The following WWOX variants were observed in gnomAD, a reference collection of about 807,000 sequenced individuals.
The protein encoded by WWOX is WW domain containing oxidoreductase.
A neutral mutation model predicts 46.2 loss-of-function variants in WWOX; 69 were observed. That is an observed-to-expected ratio of 1.49 (90% confidence interval 1.23 to 1.82). The LOEUF is 1.82. Ranked by LOEUF, WWOX falls within the 40% of genes most tolerant of loss-of-function variation. The pLI is 0.00. For missense variants in WWOX, 919 were observed against 542.6 expected (o/e 1.69, Z -6.89); for synonymous variants, 359 against 202.6 (o/e 1.77, Z -6.56).
chr16:78,218,989 A>G (rs372992075), intron 5 of WWOX, among the ~76,000 whole-genome samples: 1 of 152,250 alleles, frequency 6.6e-6, no homozygotes, highest in South Asian at 2.1e-4. Context: ...TGTCACTTTT[A>G]TGCAACTTGA....
At chr16:78,843,351 C>G (rs985828212) in intron 8 of WWOX, among the ~76,000 whole-genome samples, 1 of 150,104 alleles carries the variant, frequency 6.7e-6, no homozygotes, top group South Asian at 2.2e-4. Flanking sequence ...CATGTCCAAC[C>G]CAATCTGGAA....
intron 5 of WWOX, among the ~76,000 whole-genome samples, chr16:78,322,150 G>T (rs1005983369): frequency 6.6e-6 from 1 of 152,070 alleles, no homozygotes; most frequent in Non-Finnish European, 1.5e-5. Context: ...CCCTGCCAGG[G>T]GGATGGTTGG....
At chr16:78,360,827 C>CT (rs59558603) in intron 5 of WWOX, among the ~76,000 whole-genome samples, 35 of 150,142 alleles carry the variant, frequency 2.3e-4, no homozygotes, top group African/African-American at 5.9e-4. Context: ...GCCTTTAGTG[C>CT]TTTTTTTTTT....
At chr16:78,549,159 A>G (rs563926206) in intron 8 of WWOX, among the ~76,000 whole-genome samples, 194 of 152,252 alleles carry the variant, frequency 1.3e-3, no homozygotes, top group African/African-American at 4.4e-3. Flanking sequence ...TAATTGGGAG[A>G]GATTGCCGGT....
chr16:78,978,288 A>C (rs2046612852), intron 8 of WWOX, among the ~76,000 whole-genome samples: 1 of 152,196 alleles, frequency 6.6e-6, no homozygotes, highest in African/African-American at 2.4e-5. Context: ...TTGTGAATCC[A>C]TGCTGCTGTG....
intron 8 of WWOX, among the ~76,000 whole-genome samples, chr16:78,861,615 C>T (rs551376689): frequency 1.3e-5 from 2 of 152,278 alleles, no homozygotes; most frequent in Admixed American, 1.3e-4. Context: ...ATCATCATCA[C>T]ACCCAAAAAC....
intron 8 of WWOX, among the ~76,000 whole-genome samples, chr16:79,122,432 G>A (rs985186135): frequency 1.3e-5 from 2 of 152,134 alleles, no homozygotes; most frequent in African/African-American, 4.8e-5. Flanking sequence ...GTGTGGGCAA[G>A]CACGGCATCT....
intron 8 of WWOX, among the ~76,000 whole-genome samples, chr16:78,942,170 G>A (rs964821163): frequency 2.6e-5 from 4 of 152,186 alleles, no homozygotes; most frequent in African/African-American, 9.7e-5. Context: ...GAGAAGCAGA[G>A]TGGGTGCGTC....
Position 78,422,680 on chromosome 16 carries a change from TATATAC to T in WWOX, c.606-2188_606-2183del, listed in dbSNP as rs1209450936. ...TTTTACATGTATATATATATATATA[TATATAC>T]ACACACACACACACATATATATATA... On this transcript the variant is annotated intron_variant, in intron 6 of 8. Coordinates refer to ENST00000566780, the MANE Select transcript of WWOX (RefSeq NM_016373.4). 1.3e-3 allele frequency among the ~76,000 whole-genome samples: 95 copies of T among 75,142 alleles called. 14 individuals are homozygous for T. The Middle Eastern group carries it at 0.021, about 16-fold the overall frequency. The allele number at this position is 75,142 out of a possible 152,430, so 49.3% of individuals were successfully genotyped here.
intron 8 of WWOX, among the ~76,000 whole-genome samples, chr16:78,583,408 C>A (rs2045113150): frequency 6.6e-6 from 1 of 152,134 alleles, no homozygotes; most frequent in Non-Finnish European, 1.5e-5. Flanking sequence ...AGATGAGATG[C>A]CACTGTGGTA....
At chr16:78,346,303 C>G (rs2081093438) in intron 5 of WWOX, among the ~76,000 whole-genome samples, 1 of 120,698 alleles carries the variant, frequency 8.3e-6, no homozygotes, top group Non-Finnish European at 2.0e-5. Context: ...TTGGGTTCTT[C>G]CCAGTTTTTA....
intron 8 of WWOX, among the ~76,000 whole-genome samples, chr16:78,654,637 T>TTCTCTC (rs142991695): frequency 6.7e-6 from 1 of 149,026 alleles, no homozygotes; most frequent in African/African-American, 2.4e-5. Flanking sequence ...ATCTATACCT[T>TTCTCTC]TCTCTCTCTC....
intron 8 of WWOX, among the ~76,000 whole-genome samples, chr16:78,964,006 C>G (rs1056731774): frequency 2.0e-5 from 3 of 152,180 alleles, no homozygotes; most frequent in African/African-American, 4.8e-5. Context: ...TGCCTTTCAC[C>G]TCCACCATGA....
chr16:78,391,695 A>T (rs1344418134), intron 6 of WWOX, among the ~76,000 whole-genome samples: 8 of 152,174 alleles, frequency 5.3e-5, no homozygotes, highest in Non-Finnish European at 1.5e-5. Context: ...TAAAAATACA[A>T]AAATTAGCCG....
At chr16:79,135,590 C>T (rs1236794964) in intron 8 of WWOX, among the ~76,000 whole-genome samples, 1 of 152,076 alleles carries the variant, frequency 6.6e-6, no homozygotes, top group Non-Finnish European at 1.5e-5. Context: ...AGAGTATATT[C>T]CTAGAAATTC....
chr16:78,322,805 C>T (rs2080515754), intron 5 of WWOX, among the ~76,000 whole-genome samples: 1 of 152,148 alleles, frequency 6.6e-6, no homozygotes. Flanking sequence ...ACAGGAGCAG[C>T]CATGGACGCT....
chr16:78,119,379 A>T (rs2032976933), intron 4 of WWOX, among the ~76,000 whole-genome samples: 1 of 152,204 alleles, frequency 6.6e-6, no homozygotes, highest in Non-Finnish European at 1.5e-5. Context: ...TAATTTGGCT[A>T]TGCATATAAA....
chr16:78,800,149 T>C (rs2050849375), intron 8 of WWOX, among the ~76,000 whole-genome samples: 2 of 152,162 alleles, frequency 1.3e-5, no homozygotes, highest in Admixed American at 1.3e-4. Context: ...TTAGAATATC[T>C]TCAATGCAAT....
chr16:78,474,057 G>T (rs1351156292), intron 8 of WWOX, among the ~76,000 whole-genome samples: 2 of 152,114 alleles, frequency 1.3e-5, no homozygotes, highest in Admixed American at 6.5e-5. Flanking sequence ...AAAAGAAAAT[G>T]AAGTGACATT....
Sources: allele counts gnomAD v4.1 joint callset (sites outside exome capture counted in the v4.1 genomes callset), GRCh38; gene constraint gnomAD v4.1.1; transcripts MANE v1.5; gene names NCBI Gene and HGNC (gene_info 2026-07-23, HGNC 2026-07-21).